The following TNS2 variants were observed in gnomAD, a reference collection of about 807,000 sequenced individuals.
TNS2 encodes tensin 2.
In TNS2, 77 loss-of-function variants were observed where a neutral mutation model predicts 155.7. That is an observed-to-expected ratio of 0.49 (90% CI 0.41 to 0.60). The LOEUF is 0.60. Among genes scored for constraint, TNS2 ranks in the 20% least tolerant of loss-of-function variants. The pLI is 0.00. For missense variants in TNS2, 1,703 were observed against 1,868.8 expected (o/e 0.91, Z 1.64); for synonymous variants, 726 against 763.9 (o/e 0.95, Z 0.82).
chr12:53,058,817 C>T lies in TNS2; in HGVS notation c.1395C>T (p.Asp465=), dbSNP rs765222000. ...AGAACTTCAACCAGCACCACGAGGA[C>T]AGTGTGGATGGTGCGCAGGCAGCCT... ...SYENFNQHHE[D]SVDGSLTHTR... is the part of the protein sequence containing the mutation. Residue 465 remains aspartate, a synonymous_variant, in exon 17 of 29, where the codon GAC becomes GAT. Coordinates refer to ENST00000314250, the MANE Select transcript of TNS2 (RefSeq NM_170754.4). 1 of 1,613,560 alleles carries T rather than the reference C, an allele frequency of 6.2e-7. No individual in the cohort carries two copies. The highest frequency in any genetic ancestry group is 8.5e-7 in the Non-Finnish European group (1 of 1,179,942).
At chr12:53,057,209 C>A in intron 11 of TNS2, 113 bp downstream of exon 11, 1 of 1,201,218 alleles carries the variant, frequency 8.3e-7, no homozygotes, top group Non-Finnish European at 1.2e-6. Flanking sequence ...AGCGCCGTGC[C>A]AGGTGCTGAG....
Position 53,051,910 on chromosome 12 carries a change from C to T in TNS2, c.131C>T (p.Pro44Leu). The T allele has an allele frequency of 6.2e-7, 1 of 1,613,708 alleles. No individual in the cohort carries two copies. Among genetic ancestry groups the T allele is most frequent in the Non-Finnish European group, 8.5e-7 (1 of 1,179,798 alleles). Residue 44 changes from proline to leucine, a missense_variant, in exon 2 of 29, where the codon CCA becomes CTA. Physicochemically the swap from Pro to Leu is moderately conservative, Grantham distance 98. Transcript: ENST00000314250. ...FREKVFRKKP[P>L]VCAVCKVTID... ...GAGAAGGTTTTCCGGAAGAAACCTC[C>T]AGTCTGTGCAGTATGTAAGGTGACC...
Position 53,059,981 on chromosome 12 carries a change from T to G in TNS2, c.2340T>G (p.His780Gln). The stretch of plus-strand genomic sequence containing the variant: ...TGTGCCCCGAAGGCAGGTATGGGCA[T>G]CCAGGGTACCCTGCCCTGGTGACAT... ...YTMCPEGRYG[H>Q]PGYPALVTYS... Residue 780 changes from histidine (H) to glutamine (Q), a missense_variant, in exon 18 of 29, where the codon CAT becomes CAG. His to Gln is a conservative substitution (Grantham distance 24, BLOSUM62 0). Transcript: ENST00000314250. This position sits in a 1 kb window ranked among gnomAD's most constrained non-coding sequence, Gnocchi z 4.7. 1 of 1,613,210 alleles carries G rather than the reference T, an allele frequency of 6.2e-7. No homozygotes were observed. Among genetic ancestry groups the G allele is most frequent in the Non-Finnish European group, 8.5e-7 (1 of 1,179,862 alleles).
At position 53,055,605 on chromosome 12, in the gene TNS2, C is replaced by T; in HGVS notation, c.611C>T (p.Pro204Leu). The T allele has an allele frequency of 1.2e-6, 2 of 1,613,080 alleles. No individual in the cohort carries two copies. The highest frequency in any genetic ancestry group is 1.7e-6 in the Non-Finnish European group (2 of 1,179,222). The change falls in exon 9 of 29, where the codon CCC (proline) becomes CTC (leucine). Residue 204 changes from proline (P) to leucine (L), a missense_variant. Transcript: ENST00000314250. Reference protein sequence around the residue: ...DFGWPELHAPPLDKLCSICKA... With the variant: ...DFGWPELHAPLLDKLCSICKA... ...GGCTGGCCTGAGCTGCATGCTCCAC[C>T]CCTGGACAAGCTGTGCTCCATCTGC...
In TNS2 at chr12:53,063,510, C is replaced by T; in HGVS notation, c.4062-53C>T. On this transcript the variant is annotated intron_variant, in intron 27 of 28. Coordinates refer to ENST00000314250, the MANE Select transcript of TNS2 (RefSeq NM_170754.4). This position sits in a 1 kb window ranked among gnomAD's most constrained non-coding sequence, Gnocchi z 5.6. ...AGCCCCAGCCCCGGCCCCGGCCCCC[C>T]TTCAGCAGCTGTCCCCTGGGGTGTG... The T allele has an allele frequency of 6.2e-7, 1 of 1,613,124 alleles. No homozygotes were observed. Among genetic ancestry groups the T allele is most frequent in the South Asian group, 1.1e-5 (1 of 91,072 alleles).
At chr12:53,062,282 C>T (rs541241739) in intron 23 of TNS2, 37 bp downstream of exon 23, 18 of 1,612,186 alleles carry the variant, frequency 1.1e-5, no homozygotes, top group African/African-American at 8.0e-5. Flanking sequence ...TACGTTGGGT[C>T]GGTTTAGGGA....
rs770746910 is a variant in TNS2, at chr12:53,059,110, C to T, written c.1469C>T (p.Pro490Leu). The change falls in exon 18 of 29, where the codon CCC (proline) becomes CTC (leucine). Residue 490 changes from proline to leucine, a missense_variant. Transcript: ENST00000314250. The surrounding 1 kb of genome is among the most constrained non-coding windows in gnomAD (Gnocchi z 4.7). ...CCTTATGCCCAGGTGCAGCGGCCTC[C>T]CCGGCAGACCCCCCCGGCACCCTCT... ...GSPYAQVQRP[P>L]RQTPPAPSPE... 8 of 1,551,792 alleles carry T rather than the reference C, an allele frequency of 5.2e-6. No homozygotes were observed. In the Admixed American group the frequency reaches 1.2e-4, roughly 24 times the overall value.
At position 53,060,730 on chromosome 12, in the gene TNS2, C is replaced by G. The variant is rs747544668; in HGVS notation, c.2824C>G (p.Pro942Ala). 9 of 1,605,938 alleles carry G rather than the reference C, an allele frequency of 5.6e-6. No homozygotes were observed. Among genetic ancestry groups the G allele is most frequent in the African/African-American group, 1.3e-5 (1 of 74,846 alleles). The stretch of plus-strand genomic sequence containing the variant: ...CTCAGCGCCCACTCAGAGACTGAGT[C>G]CTGGCGAGGCCTTGCCCCCTGTTTC... ...PTSAPTQRLS[P>A]GEALPPVSQA... Residue 942 changes from proline to alanine, a missense_variant, in exon 20 of 29, where the codon CCT becomes GCT. Pro to Ala is a conservative substitution (Grantham distance 27). Coordinates refer to ENST00000314250, the MANE Select transcript of TNS2 (RefSeq NM_170754.4). The surrounding 1 kb of genome is among the most constrained non-coding windows in gnomAD (Gnocchi z 6.1).
At chr12:53,054,553 A>G in intron 7 of TNS2, 112 bp downstream of exon 7, 1 of 612,984 alleles carries the variant, frequency 1.6e-6, no homozygotes, top group Non-Finnish European at 2.4e-6. Flanking sequence ...GGGCGGGACC[A>G]GAGTGGTGGG....
Position 53,061,140 on chromosome 12 carries a change from C to T in TNS2, c.3234C>T (p.His1078=). The T allele has an allele frequency of 3.1e-6, 5 of 1,609,594 alleles. No individual in the cohort carries two copies. Among genetic ancestry groups the T allele is most frequent in the Non-Finnish European group, 3.4e-6 (4 of 1,177,832 alleles). Residue 1078 remains histidine (H), a synonymous_variant, in exon 20 of 29, where the codon CAC becomes CAT. Coordinates refer to ENST00000314250, the MANE Select transcript of TNS2 (RefSeq NM_170754.4). ...AGCCCCCACTTCCTGAGAAACGCCA[C>T]CTGCCCGGGCCGGGGCAACAGCCAG... ...LSQPPLPEKR[H]LPGPGQQPGP...
In TNS2 at chr12:53,063,267, C is replaced by T; in HGVS notation, c.3992+10C>T. The T allele has an allele frequency of 6.2e-7, 1 of 1,613,618 alleles. No individual in the cohort carries two copies. Among genetic ancestry groups the T allele is most frequent in the East Asian group, 2.2e-5 (1 of 44,886 alleles). On this transcript the variant is annotated intron_variant, in intron 26 of 28. Transcript: ENST00000314250. The surrounding 1 kb of genome is among the most constrained non-coding windows in gnomAD (Gnocchi z 5.6). ...CGGACAACCAAAGGAAGTATGTATA[C>T]TCAGCCCTGTAGAACCCCATGCTTA...
chr12:53,054,685 T>G (rs528233768), intron 7 of TNS2, among the ~76,000 whole-genome samples: 1 of 151,830 alleles, frequency 6.6e-6, no homozygotes, highest in African/African-American at 2.4e-5. Flanking sequence ...TTTATTTACC[T>G]TTTTTTTGAG....
Position 53,059,412 on chromosome 12 carries a change from C to A in TNS2, c.1771C>A (p.His591Asn), listed in dbSNP as rs1254782746. 1 of 1,477,370 alleles carries A rather than the reference C, an allele frequency of 6.8e-7. No homozygotes were observed. The highest frequency in any genetic ancestry group is 9.0e-7 in the Non-Finnish European group (1 of 1,115,590). The allele number at this position is 1,477,370 out of a possible 1,614,324, so 91.5% of individuals were successfully genotyped here. ...AGGCCATAGGCCTGGCCTCAGCCGC[C>A]ACTGCTCCTGCCGCCAGGGCTACCG... ...YPGHRPGLSRHCSCRQGYREP... is the reference protein window; with the variant it reads ...YPGHRPGLSRNCSCRQGYREP... Residue 591 changes from histidine to asparagine, a missense_variant, in exon 18 of 29, where the codon CAC (histidine) becomes AAC (asparagine). Physicochemically the swap from His to Asn is moderately conservative, Grantham distance 68. Coordinates refer to ENST00000314250, the MANE Select transcript of TNS2 (RefSeq NM_170754.4). This position sits in a 1 kb window ranked among gnomAD's most constrained non-coding sequence, Gnocchi z 4.7.
chr12:53,053,242 C>A, intron 3 of TNS2, 169 bp from the exon 4 acceptor site: 1 of 734,306 alleles, frequency 1.4e-6, no homozygotes, highest in Non-Finnish European at 2.4e-6. Context: ...GGGTGGGGGA[C>A]CAAGAGGCCA....
chr12:53,057,730 T>C (rs764066893), intron 12 of TNS2, 43 bp from the exon 13 acceptor site: 61 of 1,613,908 alleles, frequency 3.8e-5, no homozygotes, highest in Non-Finnish European at 2.7e-5. Context: ...TCAGGCCCTC[T>C]CCACTCAGCA....
At chr12:53,049,274 G>GC, upstream of TNS2, 1 of 1,590,988 alleles carries the variant, frequency 6.3e-7, no homozygotes, top group Non-Finnish European at 8.6e-7. Context: ...CGGGGTTGCC[G>GC]CGGGGGGAGG....
At chr12:53,048,972 A>C, upstream of TNS2, 1 of 528,968 alleles carries the variant, frequency 1.9e-6, no homozygotes, top group South Asian at 2.8e-5. Context: ...AGTGACAGCT[A>C]TAGCCTGTCC....
intron 22 of TNS2, 71 bp downstream of exon 22, chr12:53,062,011 C>G: frequency 1.2e-6 from 2 of 1,610,606 alleles, no homozygotes; most frequent in Non-Finnish European, 1.7e-6. Flanking sequence ...GGTAACAGGG[C>G]AGGTGGGGGT....
chr12:53,060,531 G>A lies in TNS2; in HGVS notation c.2744G>A (p.Ser915Asn). Residue 915 changes from serine (S) to asparagine (N), a missense_variant, in exon 19 of 29, where the codon AGC becomes AAC. Coordinates refer to ENST00000314250, the MANE Select transcript of TNS2 (RefSeq NM_170754.4). This position sits in a 1 kb window ranked among gnomAD's most constrained non-coding sequence, Gnocchi z 6.1. Reference sequence around the variant, plus strand: ...GGTCCCTCCACGCCCCTGCACACCAGCAGTCCAGTCCAGGGCAAGGAAAGG... The same window carrying A: ...GGTCCCTCCACGCCCCTGCACACCAACAGTCCAGTCCAGGGCAAGGAAAGG... ...LSGPSTPLHT[S>N]SPVQGKESTR... 6.2e-7 allele frequency: 1 copy of A among 1,613,706 alleles called. No homozygotes were observed. The highest frequency in any genetic ancestry group is 1.1e-5 in the South Asian group (1 of 91,088).
Sources: allele counts gnomAD v4.1 joint callset (sites outside exome capture counted in the v4.1 genomes callset), GRCh38; gene constraint gnomAD v4.1.1; non-coding constraint Gnocchi (gnomAD v3.1); transcripts MANE v1.5; gene names NCBI Gene and HGNC (gene_info 2026-07-23, HGNC 2026-07-21).